The following PHETA2 variants were observed in gnomAD, a reference collection of about 807,000 sequenced individuals.
PHETA2 encodes sesquipedalian-2.
For missense variants in PHETA2, 321 were observed against 341.3 expected (o/e 0.94, Z 0.47); for synonymous variants, 133 against 142.9 (o/e 0.93, Z 0.50).
intron 2 of PHETA2, 37 bp from the exon 3 acceptor site, chr22:42,077,243 C>T: frequency 6.6e-7 from 1 of 1,505,518 alleles, no homozygotes. Flanking sequence ...GGAACCACCT[C>T]CCTCTCTGAT....
rs901738853 is a variant in PHETA2, at chr22:42,078,545, T to C, written c.*472T>C. 1 of 169,802 alleles carries C rather than the reference T, an allele frequency of 5.9e-6. No individual in the cohort carries two copies. Among genetic ancestry groups the C allele is most frequent in the Non-Finnish European group, 1.4e-5 (1 of 70,184 alleles). The allele number at this position is 169,802 out of a possible 1,614,324, so 10.5% of individuals were successfully genotyped here. A position where few individuals can be genotyped will look rare whatever the true frequency, so the allele number is the denominator to read the frequency against. The stretch of plus-strand genomic sequence containing the variant: ...ACTGTCAGAGAAAGTGGATTTATTG[T>C]GTCATAGGAGTTTCTGGGACCCAGC... On this transcript the variant is annotated 3_prime_UTR_variant, in exon 3 of 3. Transcript: ENST00000321753.
rs1433124722 is a variant in PHETA2, at chr22:42,078,096, A to G, written c.*23A>G. On this transcript the variant is annotated 3_prime_UTR_variant, in exon 3 of 3. Coordinates refer to ENST00000321753, the MANE Select transcript of PHETA2 (RefSeq NM_001002034.3). ...TAAGTCTGGGCCCTTTGAGTCAGGAAACCAGGGCCAGTTCTTTTTCAGGAG... is the reference window on the plus strand; with the variant it reads ...TAAGTCTGGGCCCTTTGAGTCAGGAGACCAGGGCCAGTTCTTTTTCAGGAG... 1 of 1,507,486 alleles carries G rather than the reference A, an allele frequency of 6.6e-7. No homozygotes were observed. The highest frequency in any genetic ancestry group is 8.9e-7 in the Non-Finnish European group (1 of 1,129,048). The allele number at this position is 1,507,486 out of a possible 1,614,324, so 93.4% of individuals were successfully genotyped here. A position where few individuals can be genotyped will look rare whatever the true frequency, so the allele number is the denominator to read the frequency against.
Position 42,074,327 on chromosome 22 carries a change from G to C in PHETA2, c.-111G>C, listed in dbSNP as rs527930120. On this transcript the variant is annotated 5_prime_UTR_variant, in exon 1 of 3. Coordinates refer to ENST00000321753, the MANE Select transcript of PHETA2 (RefSeq NM_001002034.3). The stretch of plus-strand genomic sequence containing the variant: ...GGATCGCCCTCTTGGGCTTCGGTGC[G>C]ATCGGCGGCGGGAGGTGAGAGTGGG... 7 of 152,520 alleles carry C rather than the reference G, an allele frequency of 4.6e-5. No individual in the cohort carries two copies. In the East Asian group the frequency reaches 1.4e-3, roughly 29 times the overall value. The allele number at this position is 152,520 out of a possible 1,614,324, so 9.4% of individuals were successfully genotyped here. A position where few individuals can be genotyped will look rare whatever the true frequency, so the allele number is the denominator to read the frequency against.
chr22:42,077,371 C>G lies in PHETA2; in HGVS notation c.78C>G (p.Thr26=). Residue 26 remains threonine, a synonymous_variant, in exon 3 of 3, where the codon ACC becomes ACG. Coordinates refer to ENST00000321753, the MANE Select transcript of PHETA2 (RefSeq NM_001002034.3). Reference sequence around the variant, plus strand: ...CGGACCACATGGGCTTCCTGCGCACCTGGGGGGGCCCAGGGACCCCACCGA... The same window carrying G: ...CGGACCACATGGGCTTCCTGCGCACGTGGGGGGGCCCAGGGACCCCACCGA... ...SPADHMGFLR[T]WGGPGTPPTP... 6.3e-7 allele frequency: 1 copy of G among 1,596,298 alleles called. No individual in the cohort carries two copies. Among genetic ancestry groups the G allele is most frequent in the Non-Finnish European group, 8.5e-7 (1 of 1,170,994 alleles).
At position 42,077,289 on chromosome 22, in the gene PHETA2, G is replaced by C. The variant is rs1602504623; in HGVS notation, c.-5G>C. ...CTCTCTTGCCTCACAGTTCCCGTGGGAGCCATGAAGCTGAACGAGAGGAGT... is the reference window on the plus strand; with the variant it reads ...CTCTCTTGCCTCACAGTTCCCGTGGCAGCCATGAAGCTGAACGAGAGGAGT... On this transcript the variant is annotated 5_prime_UTR_variant, in exon 3 of 3. Coordinates refer to ENST00000321753, the MANE Select transcript of PHETA2 (RefSeq NM_001002034.3). The C allele has an allele frequency of 3.3e-6, 5 of 1,519,594 alleles. No individual in the cohort carries two copies. Among genetic ancestry groups the C allele is most frequent in the African/African-American group, 1.4e-5 (1 of 71,878 alleles). The allele number at this position is 1,519,594 out of a possible 1,614,324, so 94.1% of individuals were successfully genotyped here. A position where few individuals can be genotyped will look rare whatever the true frequency, so the allele number is the denominator to read the frequency against.
At chr22:42,074,622 C>G (rs1459448061) in intron 1 of PHETA2, 1 of 152,240 alleles carries the variant, frequency 6.6e-6, no homozygotes, top group Non-Finnish European at 1.5e-5. Context: ...GGTGGCCTGG[C>G]CCCCCTACTG....
In PHETA2 at chr22:42,075,342, C is replaced by G. The variant is rs969986044; in HGVS notation, c.-96-229C>G. Among the ~76,000 whole-genome samples, 1 of 152,148 alleles carries G rather than the reference C, an allele frequency of 6.6e-6. No individual in the cohort carries two copies. The highest frequency in any genetic ancestry group is 2.4e-5 in the African/African-American group (1 of 41,418). ...AGGAACCATGAGGGCATGTGTAGCTCTGACCTGGACTCAGGCAGGGAGCTG... is the reference window on the plus strand; with the variant it reads ...AGGAACCATGAGGGCATGTGTAGCTGTGACCTGGACTCAGGCAGGGAGCTG... On this transcript the variant is annotated intron_variant, in intron 1 of 2. Coordinates refer to ENST00000321753, the MANE Select transcript of PHETA2 (RefSeq NM_001002034.3). This position sits in a 1 kb window ranked among gnomAD's most constrained non-coding sequence, Gnocchi z 4.8.
Position 42,078,998 on chromosome 22 carries a change from C to T in PHETA2, c.*925C>T, listed in dbSNP as rs1927488867. The T allele has an allele frequency of 1.2e-5, 2 of 167,142 alleles. No homozygotes were observed. Among genetic ancestry groups the T allele is most frequent in the African/African-American group, 4.8e-5 (2 of 41,452 alleles). 10.4% of individuals were successfully genotyped at this position (167,142 alleles called of 1,614,324 possible). ...TAAACTGAAGCTGCTCGAGAAATCA[C>T]CTGGGAACTCTCATAGCCGTTTGTC... On this transcript the variant is annotated 3_prime_UTR_variant, in exon 3 of 3. Coordinates refer to ENST00000321753, the MANE Select transcript of PHETA2 (RefSeq NM_001002034.3).
chr22:42,076,369 T>G (rs569255891), intron 2 of PHETA2, among the ~76,000 whole-genome samples: 2 of 152,070 alleles, frequency 1.3e-5, no homozygotes, highest in Non-Finnish European at 2.9e-5. Context: ...CAATCTTGGC[T>G]CACTGCAACC....
rs141482809 is a variant in PHETA2 at position 42,075,506 on chromosome 22, C to G, written c.-96-65C>G. On this transcript the variant is annotated intron_variant, in intron 1 of 2. Coordinates refer to ENST00000321753, the MANE Select transcript of PHETA2 (RefSeq NM_001002034.3). The surrounding 1 kb of genome is among the most constrained non-coding windows in gnomAD (Gnocchi z 4.8). ...TGGAGGCTGTGGTTTCATTAGGCCT[C>G]GAAGGTGGAGTAGGAGTTCTCATTC... 6.6e-6 allele frequency: 1 copy of G among 152,374 alleles called. No individual in the cohort carries two copies. Among genetic ancestry groups the G allele is most frequent in the African/African-American group, 2.4e-5 (1 of 41,546 alleles). 9.4% of individuals were successfully genotyped at this position (152,374 alleles called of 1,614,324 possible). A position where few individuals can be genotyped will look rare whatever the true frequency, so the allele number is the denominator to read the frequency against.
chr22:42,078,872 GAA>G lies in PHETA2; in HGVS notation c.*802_*803del, dbSNP rs1459717907. On this transcript the variant is annotated 3_prime_UTR_variant, in exon 3 of 3. Coordinates refer to ENST00000321753, the MANE Select transcript of PHETA2 (RefSeq NM_001002034.3). ...GTGGGGAGGCAGTGTGGCTCCCTGG[GAA>G]AAGTCTGTTGCTTTGGTTCTCAGTC... The G allele has an allele frequency of 6.0e-6, 1 of 167,266 alleles. No homozygotes were observed. The highest frequency in any genetic ancestry group is 1.5e-5 in the Non-Finnish European group (1 of 68,272). 10.4% of individuals were successfully genotyped at this position (167,266 alleles called of 1,614,324 possible). A position where few individuals can be genotyped will look rare whatever the true frequency, so the allele number is the denominator to read the frequency against.
At chr22:42,074,728 C>T (rs1189958734) in intron 1 of PHETA2, among the ~76,000 whole-genome samples, 1 of 152,066 alleles carries the variant, frequency 6.6e-6, no homozygotes, top group African/African-American at 2.4e-5. Flanking sequence ...CAGTGCTGGG[C>T]CCAGGACCCC....
rs1400456322 is a variant in PHETA2, at chr22:42,075,641, T to G, written c.-26T>G. ...ACAAGAGGTCCCTGCCCTCCCCCAG[T>G]GAGCCCTGCTGGTAAGTGGGTACAG... On this transcript the variant is annotated 5_prime_UTR_variant, in exon 2 of 3. Transcript: ENST00000321753. This position sits in a 1 kb window ranked among gnomAD's most constrained non-coding sequence, Gnocchi z 4.8. 5 of 152,286 alleles carry G rather than the reference T, an allele frequency of 3.3e-5. No homozygotes were observed. The highest frequency in any genetic ancestry group is 3.3e-4 in the Admixed American group (5 of 15,288). The allele number at this position is 152,286 out of a possible 1,614,324, so 9.4% of individuals were successfully genotyped here.
chr22:42,074,976 C>T (rs1294500466), intron 1 of PHETA2, among the ~76,000 whole-genome samples: 1 of 152,162 alleles, frequency 6.6e-6, no homozygotes, highest in East Asian at 1.9e-4. Context: ...TCCAGGAGGG[C>T]GGGAGACTTC....
Position 42,077,447 on chromosome 22 carries a change from C to A in PHETA2, c.154C>A (p.Leu52Ile). 6.2e-7 allele frequency: 1 copy of A among 1,613,864 alleles called. No individual in the cohort carries two copies. The highest frequency in any genetic ancestry group is 8.5e-7 in the Non-Finnish European group (1 of 1,179,914). The change falls in exon 3 of 3, where the codon CTA becomes ATA. Residue 52 changes from leucine to isoleucine, a missense_variant. Leu to Ile is a conservative substitution (Grantham distance 5). Transcript: ENST00000321753. ...CTGGTTTGTCCTCAAGGGCAACCTG[C>A]TATTCTCCTTTGAGAGTCGCGAGGG... is the stretch of plus-strand genomic sequence containing the variant. ...RCWFVLKGNL[L>I]FSFESREGRA...
chr22:42,077,452 C>T lies in PHETA2; in HGVS notation c.159C>T (p.Phe53=). 1.2e-6 allele frequency: 2 copies of T among 1,613,900 alleles called. No homozygotes were observed. The highest frequency in any genetic ancestry group is 4.5e-5 in the East Asian group (2 of 44,884). ...CWFVLKGNLL[F]SFESREGRAP... ...TTGTCCTCAAGGGCAACCTGCTATT[C>T]TCCTTTGAGAGTCGCGAGGGCCGGG... is the stretch of plus-strand genomic sequence containing the variant. Residue 53 remains phenylalanine, a synonymous_variant, in exon 3 of 3, where the codon TTC becomes TTT. Coordinates refer to ENST00000321753, the MANE Select transcript of PHETA2 (RefSeq NM_001002034.3).
At position 42,077,412 on chromosome 22, in the gene PHETA2, G is replaced by C. The variant is rs973097581; in HGVS notation, c.119G>C (p.Gly40Ala). ...PGTPPTPSGT[G>A]RRCWFVLKGN... The stretch of plus-strand genomic sequence containing the variant: ...ACCCCACCGACCCCCAGTGGCACTG[G>C]CCGAAGATGCTGGTTTGTCCTCAAG... Residue 40 changes from glycine to alanine, a missense_variant, in exon 3 of 3, where the codon GGC (glycine) becomes GCC (alanine). Transcript: ENST00000321753. 75 of 1,612,252 alleles carry C rather than the reference G, an allele frequency of 4.7e-5. No homozygotes were observed. The highest frequency in any genetic ancestry group is 5.7e-5 in the Non-Finnish European group (67 of 1,179,086).
Position 42,077,677 on chromosome 22 carries a change from A to C in PHETA2, c.384A>C (p.Val128=), listed in dbSNP as rs753598723. 6.2e-7 allele frequency: 1 copy of C among 1,614,172 alleles called. No homozygotes were observed. Among genetic ancestry groups the C allele is most frequent in the South Asian group, 1.1e-5 (1 of 91,088 alleles). ...GCTTTGGCTACATGCGCCTGGTGGT[A>C]CGCGAGTTGGAGAGCCAGTTGCAGG... ...RASFGYMRLV[V]RELESQLQDA... is the part of the protein sequence containing the mutation. The change falls in exon 3 of 3, where the codon GTA becomes GTC. Residue 128 remains valine, a synonymous_variant. Coordinates refer to ENST00000321753, the MANE Select transcript of PHETA2 (RefSeq NM_001002034.3).
At chr22:42,074,864 C>T (rs1007601832) in intron 1 of PHETA2, among the ~76,000 whole-genome samples, 1 of 152,232 alleles carries the variant, frequency 6.6e-6, no homozygotes, top group Non-Finnish European at 1.5e-5. Context: ...TTAGCATTAC[C>T]GGTCCTTATG....
Sources: gnomAD v4.1 joint callset for allele counts (sites outside exome capture counted in the v4.1 genomes callset) on GRCh38, gnomAD v4.1.1 for gene constraint, Gnocchi (gnomAD v3.1) non-coding constraint, MANE v1.5 for transcripts, NCBI Gene and HGNC (gene_info 2026-07-23, HGNC 2026-07-21) for gene names.